DNAH9: variants seen among roughly 807,000 people sequenced by gnomAD.
DNAH9 encodes the protein dynein axonemal heavy chain 9, also known as DNAH9 variant protein.
Under a neutral mutation model 471.6 loss-of-function variants are expected in DNAH9, and 345 were observed. That is an observed-to-expected ratio of 0.73 (90% CI 0.67 to 0.80). The LOEUF (loss-of-function observed/expected upper bound fraction) is 0.80, where lower values mean the gene tolerates loss of function less well. Ranked by LOEUF, DNAH9 falls within the 30% of genes least tolerant of loss-of-function variation. The pLI, the probability that DNAH9 is intolerant of heterozygous loss-of-function variation, is 0.00. For synonymous variants in DNAH9, 2,093 were observed against 2,123.6 expected (o/e 0.99, Z 0.40); for missense variants, 5,407 against 5,609.2 (o/e 0.96, Z 1.15).
intron 55 of DNAH9, among the ~76,000 whole-genome samples, chr17:11,882,134 T>C (rs963549700): frequency 2.0e-5 from 3 of 152,180 alleles, no homozygotes; most frequent in Non-Finnish European, 4.4e-5. Flanking sequence ...AAATAACACA[T>C]ATTTGTTCTC....
Position 11,933,994 on chromosome 17 carries a change from G to T in DNAH9, c.12412G>T (p.Glu4138Ter). 1.2e-6 allele frequency: 2 copies of T among 1,614,196 alleles called. No individual in the cohort carries two copies. The highest frequency in any genetic ancestry group is 3.3e-5 in the Admixed American group (2 of 60,020). ...RTYLGEFIRP[E>*]MLEGELSLAP... ...CTACCTGGGGGAATTCATTCGACCA[G>T]AAATGTTAGAAGGAGAACTGTCTTT... The change falls in exon 65 of 69, where the codon GAA (glutamate) becomes TAA (stop). Residue 4138 changes from glutamate to a stop codon, truncating the protein, a stop_gained. Transcript: ENST00000262442. LOFTEE classifies it high-confidence loss of function.
chr17:11,877,243 C>T (rs1043457901), intron 53 of DNAH9, among the ~76,000 whole-genome samples: 5 of 151,300 alleles, frequency 3.3e-5, no homozygotes, highest in Admixed American at 1.3e-4. Flanking sequence ...GAGGCCGAGG[C>T]GAGCAGATCA....
At chr17:11,708,728 A>G (rs949180672) in intron 26 of DNAH9, among the ~76,000 whole-genome samples, 1 of 152,184 alleles carries the variant, frequency 6.6e-6, no homozygotes, top group Non-Finnish European at 1.5e-5. Context: ...AGGTCTGCCT[A>G]TCTTGGAATA....
intron 38 of DNAH9, among the ~76,000 whole-genome samples, chr17:11,778,329 C>CAAAAAAAAAA (rs57983162): frequency 2.9e-4 from 14 of 48,632 alleles, no homozygotes; most frequent in East Asian, 2.3e-3. Flanking sequence ...GACTCCATCT[C>CAAAAAAAAAA]AAAAAAAAAA....
intron 50 of DNAH9, among the ~76,000 whole-genome samples, chr17:11,865,459 C>T (rs1004931459): frequency 1.3e-5 from 2 of 152,096 alleles, no homozygotes; most frequent in African/African-American, 4.8e-5. Context: ...AACATTTTTT[C>T]CTTCATTTCA....
intron 22 of DNAH9, among the ~76,000 whole-genome samples, chr17:11,695,517 C>G (rs1250375781): frequency 2.6e-5 from 4 of 152,178 alleles, no homozygotes; most frequent in African/African-American, 9.7e-5. Context: ...GCCATAGAGT[C>G]TTGGACATGT....
chr17:11,866,780 T>C (rs1238245092), intron 50 of DNAH9, among the ~76,000 whole-genome samples: 1 of 152,204 alleles, frequency 6.6e-6, no homozygotes, highest in Non-Finnish European at 1.5e-5. Context: ...CAGACTGCTG[T>C]GCTAGCAATC....
intron 27 of DNAH9, among the ~76,000 whole-genome samples, chr17:11,722,192 T>C (rs571462865): frequency 6.6e-6 from 1 of 152,124 alleles, no homozygotes; most frequent in Non-Finnish European, 1.5e-5. Context: ...TTCAGGTCTG[T>C]CCATAGTGAA....
At chr17:11,689,433 G>T in intron 19 of DNAH9, 133 bp from the exon 20 acceptor site, 3 of 744,074 alleles carry the variant, frequency 4.0e-6, no homozygotes, top group Non-Finnish European at 6.6e-6. Context: ...TGAAAAGAAT[G>T]TTTTTGGTGA....
intron 26 of DNAH9, among the ~76,000 whole-genome samples, chr17:11,715,203 C>G (rs1385962635): frequency 6.6e-6 from 1 of 152,140 alleles, no homozygotes; most frequent in African/African-American, 2.4e-5. Flanking sequence ...AGTTGAATAT[C>G]TGTACCAAAA....
At chr17:11,649,753 T>C (rs1467541883) in intron 12 of DNAH9, among the ~76,000 whole-genome samples, 1 of 152,230 alleles carries the variant, frequency 6.6e-6, no homozygotes, top group East Asian at 1.9e-4. Context: ...TGATTACTAG[T>C]AAATGTGAAT....
intron 34 of DNAH9, among the ~76,000 whole-genome samples, chr17:11,757,082 T>A (rs986959110): frequency 1.3e-5 from 2 of 151,528 alleles, no homozygotes; most frequent in Non-Finnish European, 2.9e-5. Context: ...AAGCAGGGAG[T>A]AGAATGTCAG....
At chr17:11,640,173 T>C (rs2150684547) in intron 9 of DNAH9, 97 bp from the exon 10 acceptor site, 2 of 705,924 alleles carry the variant, frequency 2.8e-6, no homozygotes, top group South Asian at 3.7e-5. Context: ...CTGGAGATAA[T>C]GAGGCAAAAG....
At chr17:11,925,716 T>C (rs1047531029) in intron 62 of DNAH9, among the ~76,000 whole-genome samples, 2 of 152,182 alleles carry the variant, frequency 1.3e-5, no homozygotes, top group Admixed American at 1.3e-4. Flanking sequence ...CTTGTGCTGA[T>C]GTGGTTGCTC....
chr17:11,702,704 G>A (rs2074622227), intron 24 of DNAH9, among the ~76,000 whole-genome samples: 2 of 152,174 alleles, frequency 1.3e-5, no homozygotes, highest in Admixed American at 1.3e-4. Context: ...TAAAGAGGAT[G>A]AAGAAGGTTC....
At position 11,759,989 on chromosome 17, in the gene DNAH9, T is replaced by C. The variant is rs556910372; in HGVS notation, c.6995+2297T>C. ...GCGTGAGCCACCGCACCCAGCCTAA[T>C]TTTTGTATTTTTAGTAGAGACAGGG... On this transcript the variant is annotated intron_variant, in intron 35 of 68. Transcript: ENST00000262442. 8.5e-5 allele frequency among the ~76,000 whole-genome samples: 13 copies of C among 152,172 alleles called. No homozygotes were observed. The East Asian group carries it at 2.3e-3, about 27-fold the overall frequency.
chr17:11,861,181 C>T (rs1971833558), intron 50 of DNAH9, among the ~76,000 whole-genome samples: 1 of 152,048 alleles, frequency 6.6e-6, no homozygotes, highest in Admixed American at 6.6e-5. Context: ...CCTCCCTCCC[C>T]CAACCCCACA....
chr17:11,799,877 G>T (rs207476294), intron 43 of DNAH9, among the ~76,000 whole-genome samples: 1 of 152,226 alleles, frequency 6.6e-6, no homozygotes, highest in East Asian at 1.9e-4. Flanking sequence ...GAGCCACTGC[G>T]CCCAGCCCCC....
At chr17:11,723,706 C>T (rs917804543) in intron 27 of DNAH9, among the ~76,000 whole-genome samples, 6 of 151,546 alleles carry the variant, frequency 4.0e-5, no homozygotes, top group African/African-American at 1.5e-4. Flanking sequence ...CTCGCTCTGT[C>T]CCCTAGGCTG....
Sources: gnomAD v4.1 joint callset for allele counts (sites outside exome capture counted in the v4.1 genomes callset) on GRCh38, gnomAD v4.1.1 for gene constraint, MANE v1.5 for transcripts, NCBI Gene and HGNC (gene_info 2026-07-23, HGNC 2026-07-21) for gene names.